Variants in PCDH15 observed in about 807,000 individuals in gnomAD.
PCDH15 encodes the protein protocadherin-15.
Under a neutral mutation model 178.5 loss-of-function variants are expected in PCDH15, and 129 were observed. The observed-to-expected ratio is 0.72, with a 90% CI of 0.63 to 0.84. PCDH15 has a LOEUF of 0.84. Ranked by LOEUF, PCDH15 falls within the 40% of genes least tolerant of loss-of-function variation. The pLI, the probability that PCDH15 is intolerant of heterozygous loss-of-function variation, is 0.00. For synonymous variants in PCDH15, 800 were observed against 732.0 expected (o/e 1.09, Z -1.50); for missense variants, 2,230 against 2,099.9 (o/e 1.06, Z -1.21).
chr10:54,695,023 T>C (rs1359749436), intron 1 of PCDH15, among the ~76,000 whole-genome samples: 1 of 131,098 alleles, frequency 7.6e-6, no homozygotes, highest in Non-Finnish European at 1.6e-5. Context: ...ACATGAATGA[T>C]AAGAAAACAA....
At chr10:55,439,307 A>G (rs1164733331) in intron 2 of PCDH15, among the ~76,000 whole-genome samples, 1 of 152,222 alleles carries the variant, frequency 6.6e-6, no homozygotes, top group African/African-American at 2.4e-5. Context: ...GAAGAAATCC[A>G]TGATTTCTTT....
At chr10:55,330,917 T>C (rs1007700925) in intron 2 of PCDH15, among the ~76,000 whole-genome samples, 5 of 151,558 alleles carry the variant, frequency 3.3e-5, no homozygotes, top group African/African-American at 1.2e-4. Context: ...AGCTTAAGTA[T>C]TAATTTTGAG....
intron 8 of PCDH15, among the ~76,000 whole-genome samples, chr10:54,262,783 C>T (rs2057409246): frequency 1.3e-5 from 2 of 152,170 alleles, no homozygotes; most frequent in South Asian, 2.1e-4. Context: ...GCCTGATGGT[C>T]GTAGCTTTTT....
intron 25 of PCDH15, chr10:53,906,939 A>T (rs1163446509): frequency 6.6e-6 from 1 of 152,118 alleles, no homozygotes; most frequent in African/African-American, 2.4e-5. Context: ...TCACCAGATT[A>T]TCCACTTGAG....
intron 2 of PCDH15, among the ~76,000 whole-genome samples, chr10:54,651,716 C>T (rs755476915): frequency 2.0e-5 from 3 of 152,024 alleles, no homozygotes; most frequent in Admixed American, 6.6e-5. Flanking sequence ...GGCAGAAGAG[C>T]GAGAAAATGA....
chr10:55,173,309 A>ATGTGTGTGTGTGTGTGTGTG lies in PCDH15; in HGVS notation c.-155-6678_-155-6659dup, dbSNP rs775260037. 1.8e-3 allele frequency among the ~76,000 whole-genome samples: 246 copies of ATGTGTGTGTGTGTGTGTGTG among 133,072 alleles called. 1 individual carries two copies. Among genetic ancestry groups the ATGTGTGTGTGTGTGTGTGTG allele is most frequent in the Non-Finnish European group, 2.5e-3 (156 of 62,530 alleles). 87.3% of individuals were successfully genotyped at this position (133,072 alleles called of 152,430 possible). On this transcript the variant is annotated intron_variant, in intron 1 of 5. Transcript: ENST00000458638. ...CCTTTGATTCTATATTAGAAAGATT[A>ATGTGTGTGTGTGTGTGTGTG]TGTGTGTGTGTGTGTGTGTGTGTGT... is the stretch of plus-strand genomic sequence containing the variant.
At chr10:54,560,048 G>C (rs1937390) in intron 2 of PCDH15, among the ~76,000 whole-genome samples, 60,185 of 151,670 alleles carry the variant, frequency 0.4, 12,989 homozygotes, top group East Asian at 0.5. Flanking sequence ...CTTTAAAGGA[G>C]TTTAACATTG....
intron 8 of PCDH15, among the ~76,000 whole-genome samples, chr10:54,257,217 CAATT>C (rs2056971061): frequency 6.6e-6 from 1 of 151,936 alleles, no homozygotes; most frequent in Non-Finnish European, 1.5e-5. Flanking sequence ...ATACAACTAA[CAATT>C]AAAACAATGT....
At chr10:54,399,048 C>T (rs113863094) in intron 3 of PCDH15, among the ~76,000 whole-genome samples, 4,000 of 152,184 alleles carry the variant, frequency 0.026, 168 homozygotes, top group African/African-American at 0.089. Flanking sequence ...GTCATGTCCA[C>T]TTGGCATATA....
chr10:54,312,038 T>G (rs2060943984), intron 8 of PCDH15, among the ~76,000 whole-genome samples: 2 of 152,220 alleles, frequency 1.3e-5, no homozygotes, highest in South Asian at 4.1e-4. Context: ...TGGCAAGTCT[T>G]CCAAAATTTG....
intron 1 of PCDH15, among the ~76,000 whole-genome samples, chr10:54,795,304 A>G (rs1951844553): frequency 6.6e-6 from 1 of 151,888 alleles, no homozygotes; most frequent in South Asian, 2.1e-4. Context: ...AAGTAATTAA[A>G]TAAAAATGAC....
At chr10:54,895,210 T>C (rs1954525954) in intron 3 of PCDH15, among the ~76,000 whole-genome samples, 1 of 152,164 alleles carries the variant, frequency 6.6e-6, no homozygotes, top group Admixed American at 6.6e-5. Flanking sequence ...TTGTGGCTAC[T>C]CATAATTCCT....
intron 3 of PCDH15, among the ~76,000 whole-genome samples, chr10:54,521,189 G>A: frequency 6.6e-6 from 1 of 152,060 alleles, no homozygotes. Context: ...TTGTGCACAT[G>A]TACCCTAAAA....
At position 54,623,653 on chromosome 10, in the gene PCDH15, C is replaced by T. The variant is rs112957263; in HGVS notation, c.91+40519G>A. Among the ~76,000 whole-genome samples, 815 of 152,122 alleles carry T rather than the reference C, an allele frequency of 5.4e-3. 5 individuals are homozygous for T. Among genetic ancestry groups the T allele is most frequent in the African/African-American group, 0.018 (760 of 41,518 alleles). On this transcript the variant is annotated intron_variant, in intron 2 of 37. Coordinates refer to ENST00000644397, the MANE Select transcript of PCDH15 (RefSeq NM_001384140.1). Reference sequence around the variant, plus strand: ...GCTCTTCAAGCCGAGTCTCTTCTGGCTTGGAACACTAAACTATATAAATTG... The same window carrying T: ...GCTCTTCAAGCCGAGTCTCTTCTGGTTTGGAACACTAAACTATATAAATTG...
intron 2 of PCDH15, among the ~76,000 whole-genome samples, chr10:54,966,254 C>A (rs1422138996): frequency 6.6e-6 from 1 of 151,908 alleles, no homozygotes; most frequent in African/African-American, 2.4e-5. Context: ...TAAAAAAAAT[C>A]TGGAAAGAAT....
At chr10:54,590,917 G>T (rs1223068631) in intron 2 of PCDH15, among the ~76,000 whole-genome samples, 1 of 151,756 alleles carries the variant, frequency 6.6e-6, no homozygotes, top group Admixed American at 6.6e-5. Context: ...ATTTGGGAAG[G>T]GGTCTAAAAA....
intron 7 of PCDH15, among the ~76,000 whole-genome samples, chr10:54,323,773 T>G (rs2061757747): frequency 6.6e-6 from 1 of 150,508 alleles, no homozygotes. Context: ...ACCACCTGAG[T>G]GCAATACACC....
intron 2 of PCDH15, among the ~76,000 whole-genome samples, chr10:55,422,278 T>C (rs1838640879): frequency 6.6e-6 from 1 of 151,834 alleles, no homozygotes; most frequent in East Asian, 1.9e-4. Context: ...CCTTAAAGAA[T>C]AGTCAGCAGA....
At chr10:54,294,586 A>C (rs2133098427) in intron 8 of PCDH15, among the ~76,000 whole-genome samples, 1 of 152,298 alleles carries the variant, frequency 6.6e-6, no homozygotes, top group Admixed American at 6.5e-5. Context: ...AGTTACCAAA[A>C]GTCACCCTGT....
Sources: gnomAD v4.1 joint callset for allele counts (sites outside exome capture counted in the v4.1 genomes callset) on GRCh38, gnomAD v4.1.1 for gene constraint, MANE v1.5 for transcripts, NCBI Gene and HGNC (gene_info 2026-07-23, HGNC 2026-07-21) for gene names.